Variants in HS3ST4 observed in about 807,000 individuals in gnomAD.
HS3ST4 encodes the protein heparan sulfate glucosamine 3-O-sulfotransferase 4.
Under a neutral mutation model 29.2 loss-of-function variants are expected in HS3ST4, and 17 were observed. That is an observed-to-expected ratio of 0.58 (90% confidence interval 0.40 to 0.87). The LOEUF (loss-of-function observed/expected upper bound fraction) is 0.87. HS3ST4 is among the 40% of genes least tolerant of loss of function. The probability of loss-of-function intolerance (pLI) is 0.00; values close to 1 mark genes in which losing one functional copy is unlikely to be tolerated. For synonymous variants in HS3ST4, 314 were observed against 285.7 expected, an observed-to-expected ratio of 1.10 and a Z score of -1.00; for missense variants, 627 against 634.5, an observed-to-expected ratio of 0.99 and a Z score of 0.13.
intron 1 of HS3ST4, among the ~76,000 whole-genome samples, chr16:25,784,371 C>G (rs958933635): frequency 6.6e-6 from 1 of 152,194 alleles, no homozygotes; most frequent in Non-Finnish European, 1.5e-5. Flanking sequence ...CAGTGAGAAA[C>G]GCATGTCTGC....
At chr16:26,087,764 A>G (rs991027642) in intron 1 of HS3ST4, among the ~76,000 whole-genome samples, 4 of 152,208 alleles carry the variant, frequency 2.6e-5, no homozygotes, top group African/African-American at 7.2e-5. Flanking sequence ...AAATGTTCCA[A>G]TCAACTTTCC....
intron 1 of HS3ST4, among the ~76,000 whole-genome samples, chr16:25,893,965 A>G (rs1425746039): frequency 1.3e-5 from 2 of 152,102 alleles, no homozygotes; most frequent in African/African-American, 4.8e-5. Flanking sequence ...GTGGTGAAGC[A>G]TTTCTTCCAG....
At chr16:25,862,448 C>T (rs1967647824) in intron 1 of HS3ST4, among the ~76,000 whole-genome samples, 1 of 152,210 alleles carries the variant, frequency 6.6e-6, no homozygotes. Flanking sequence ...CTGCCTGGGT[C>T]TCCCAAAGTG....
At chr16:25,904,783 A>G (rs1384457365) in intron 1 of HS3ST4, among the ~76,000 whole-genome samples, 4 of 152,208 alleles carry the variant, frequency 2.6e-5, no homozygotes, top group Admixed American at 6.5e-5. Context: ...TCGTTCCTGT[A>G]TAAAGCGGGG....
intron 1 of HS3ST4, among the ~76,000 whole-genome samples, chr16:26,030,651 C>T (rs1197169301): frequency 6.6e-6 from 1 of 152,144 alleles, no homozygotes; most frequent in Admixed American, 6.5e-5. Context: ...AGGCACCATA[C>T]ACCCACTCAC....
intron 1 of HS3ST4, among the ~76,000 whole-genome samples, chr16:25,803,019 A>G (rs1966954708): frequency 6.6e-6 from 1 of 151,088 alleles, no homozygotes. Flanking sequence ...ATACATATAT[A>G]TTTCTCTTTC....
intron 1 of HS3ST4, among the ~76,000 whole-genome samples, chr16:26,096,888 C>T (rs1898932518): frequency 6.6e-6 from 1 of 152,212 alleles, no homozygotes; most frequent in South Asian, 2.1e-4. Flanking sequence ...AGCAAAGTCT[C>T]AGGATACAAA....
At chr16:26,063,424 CACCTGT>C (rs1170184370) in intron 1 of HS3ST4, among the ~76,000 whole-genome samples, 1 of 151,596 alleles carries the variant, frequency 6.6e-6, no homozygotes, top group Non-Finnish European at 1.5e-5. Context: ...TGGTAGTTTA[CACCTGT>C]AATCCCAGCA....
At chr16:25,827,503 A>G (rs1464894636) in intron 1 of HS3ST4, among the ~76,000 whole-genome samples, 1 of 148,164 alleles carries the variant, frequency 6.7e-6, no homozygotes, top group Admixed American at 6.8e-5. Flanking sequence ...GTTAATTGTC[A>G]ATGTAATAAA....
chr16:26,061,494 T>C (rs1158979178), intron 1 of HS3ST4, among the ~76,000 whole-genome samples: 1 of 152,152 alleles, frequency 6.6e-6, no homozygotes, highest in African/African-American at 2.4e-5. Flanking sequence ...CAGGAACAAT[T>C]ATGATCAGGA....
chr16:25,789,275 C>A (rs912096217), intron 1 of HS3ST4, among the ~76,000 whole-genome samples: 32 of 151,892 alleles, frequency 2.1e-4, no homozygotes, highest in Non-Finnish European at 7.4e-5. Context: ...TCCTTCTTGT[C>A]CTCTTCTTCC....
At chr16:26,102,405 C>T (rs1271350365) in intron 1 of HS3ST4, among the ~76,000 whole-genome samples, 1 of 152,186 alleles carries the variant, frequency 6.6e-6, no homozygotes, top group Non-Finnish European at 1.5e-5. Context: ...TTCCCCACTG[C>T]TGTAAGGAAA....
chr16:25,752,631 C>G (rs1966729592), intron 1 of HS3ST4, among the ~76,000 whole-genome samples: 1 of 152,312 alleles, frequency 6.6e-6, no homozygotes, highest in Non-Finnish European at 1.5e-5. Flanking sequence ...TGAAACACAG[C>G]TCTCTCTTCA....
intron 1 of HS3ST4, among the ~76,000 whole-genome samples, chr16:25,831,215 G>A (rs996141492): frequency 6.6e-6 from 1 of 151,996 alleles, no homozygotes; most frequent in African/African-American, 2.4e-5. Flanking sequence ...CTCCCCACTG[G>A]TTCACTCATC....
At chr16:26,103,873 A>AT (rs1395188759) in intron 1 of HS3ST4, among the ~76,000 whole-genome samples, 4 of 152,248 alleles carry the variant, frequency 2.6e-5, no homozygotes, top group African/African-American at 4.8e-5. Flanking sequence ...TAGATAAAAT[A>AT]TAAGACAACA....
chr16:26,022,773 G>A (rs557837097), intron 1 of HS3ST4, among the ~76,000 whole-genome samples: 11 of 151,362 alleles, frequency 7.3e-5, no homozygotes, highest in Admixed American at 4.6e-4. Flanking sequence ...TTGGCCTCCC[G>A]ATGTGCTGAG....
At chr16:25,949,620 C>G (rs1414300874) in intron 1 of HS3ST4, among the ~76,000 whole-genome samples, 2 of 152,060 alleles carry the variant, frequency 1.3e-5, no homozygotes, top group Non-Finnish European at 2.9e-5. Context: ...ACAGCATAGA[C>G]AAGTGGAGAT....
At chr16:25,709,750 T>C (rs1567224520) in intron 1 of HS3ST4, among the ~76,000 whole-genome samples, 1 of 151,984 alleles carries the variant, frequency 6.6e-6, no homozygotes, top group Non-Finnish European at 1.5e-5. Context: ...ATGTATCCAG[T>C]CTCTAAACCT....
intron 1 of HS3ST4, chr16:26,063,130 A>T (rs6497913): frequency 1 from 154,965 of 155,034 alleles, 77,451 homozygotes; most frequent in Middle Eastern, 1. Context: ...AGGCTCATAC[A>T]TTGCTCTCAT....
Sources: allele counts gnomAD v4.1 joint callset (sites outside exome capture counted in the v4.1 genomes callset), GRCh38; gene constraint gnomAD v4.1.1; transcripts MANE v1.5; gene names NCBI Gene and HGNC (gene_info 2026-07-23, HGNC 2026-07-21).